The following PTPRD variants were observed in gnomAD, a reference collection of about 807,000 sequenced individuals.
PTPRD encodes the protein protein tyrosine phosphatase receptor type D, also known as receptor-type tyrosine-protein phosphatase delta.
PTPRD carries 34 observed loss-of-function variants against 214.5 expected under a neutral mutation model. The observed-to-expected ratio is 0.16, with a 90% confidence interval of 0.12 to 0.21. The LOEUF (loss-of-function observed/expected upper bound fraction) is 0.21, where lower values mean the gene tolerates loss of function less well. Among genes scored for constraint, PTPRD ranks in the 10% least tolerant of loss-of-function variants. The probability of loss-of-function intolerance (pLI) is 1.00; values close to 1 mark genes in which losing one functional copy is unlikely to be tolerated. For missense variants in PTPRD, 2,545 were observed against 2,398.7 expected, an observed-to-expected ratio of 1.06 and a Z score of -1.27; for synonymous variants, 1,128 against 845.7, an observed-to-expected ratio of 1.33 and a Z score of -5.79.
At chr9:9,452,260 T>G (rs565476969) in intron 8 of PTPRD, among the ~76,000 whole-genome samples, 2 of 151,664 alleles carry the variant, frequency 1.3e-5, no homozygotes, top group South Asian at 4.1e-4. Context: ...AATAATATTT[T>G]CAGTGTGTTG....
intron 7 of PTPRD, among the ~76,000 whole-genome samples, chr9:9,661,660 C>G (rs1414860413): frequency 6.6e-6 from 1 of 151,808 alleles, no homozygotes; most frequent in East Asian, 1.9e-4. Context: ...TTGTTTGCCA[C>G]TATTCAACTA....
chr9:9,734,658 T>A, intron 6 of PTPRD, 87 bp from the exon 7 acceptor site: 1 of 152,264 alleles, frequency 6.6e-6, no homozygotes, highest in African/African-American at 2.4e-5. Context: ...AATTCTACAA[T>A]ATTATTCTAT....
At chr9:9,099,161 C>T (rs1231223072) in intron 10 of PTPRD, among the ~76,000 whole-genome samples, 1 of 152,090 alleles carries the variant, frequency 6.6e-6, no homozygotes, top group Non-Finnish European at 1.5e-5. Context: ...GTGGTAAACA[C>T]AGAGCAGGCC....
intron 3 of PTPRD, among the ~76,000 whole-genome samples, chr9:10,092,106 C>G (rs1327561407): frequency 1.3e-5 from 2 of 151,346 alleles, no homozygotes; most frequent in African/African-American, 4.8e-5. Flanking sequence ...GAGTTCCATG[C>G]AACGAGGTAA....
chr9:9,736,371 G>C (rs2098294873), intron 6 of PTPRD, among the ~76,000 whole-genome samples: 2 of 151,890 alleles, frequency 1.3e-5, no homozygotes, highest in Non-Finnish European at 2.9e-5. Flanking sequence ...ACTGCAGTTA[G>C]TTTTCATTAC....
chr9:10,559,290 C>T (rs1247011715), intron 2 of PTPRD, among the ~76,000 whole-genome samples: 1 of 151,990 alleles, frequency 6.6e-6, no homozygotes, highest in South Asian at 2.1e-4. Context: ...CATGCACATC[C>T]AAATGTATAC....
intron 11 of PTPRD, among the ~76,000 whole-genome samples, chr9:8,871,804 TA>T (rs2098304744): frequency 6.6e-6 from 1 of 152,136 alleles, no homozygotes; most frequent in Non-Finnish European, 1.5e-5. Flanking sequence ...TAGCTTAACT[TA>T]ATTCAAAATT....
chr9:9,328,953 GT>G (rs2041233423), intron 9 of PTPRD, among the ~76,000 whole-genome samples: 1 of 151,898 alleles, frequency 6.6e-6, no homozygotes. Flanking sequence ...GATCACCTTG[GT>G]TAAAGTGATA....
intron 4 of PTPRD, among the ~76,000 whole-genome samples, chr9:9,949,708 CA>C (rs1004899887): frequency 7.3e-5 from 11 of 151,712 alleles, no homozygotes; most frequent in South Asian, 4.2e-4. Flanking sequence ...ACAACAACAA[CA>C]AAAAAAATGC....
chr9:8,577,429 A>AT (rs1167514831), intron 14 of PTPRD, among the ~76,000 whole-genome samples: 1 of 151,894 alleles, frequency 6.6e-6, no homozygotes, highest in Non-Finnish European at 1.5e-5. Flanking sequence ...AAAAAATTGT[A>AT]TTTTTAGTAC....
chr9:8,375,811 A>G, intron 39 of PTPRD, 125 bp downstream of exon 39: 1 of 1,186,526 alleles, frequency 8.4e-7, no homozygotes, highest in Non-Finnish European at 1.2e-6. Context: ...TCATTTGACC[A>G]AAAGAGAGCT....
chr9:9,607,992 C>T (rs2094286231), intron 7 of PTPRD, among the ~76,000 whole-genome samples: 2 of 152,182 alleles, frequency 1.3e-5, no homozygotes, highest in South Asian at 2.1e-4. Flanking sequence ...GGAGAGCAAT[C>T]GATGGGTTAA....
At chr9:10,525,642 T>C (rs2054014222) in intron 2 of PTPRD, among the ~76,000 whole-genome samples, 1 of 151,994 alleles carries the variant, frequency 6.6e-6, no homozygotes, top group Admixed American at 6.6e-5. Context: ...AATTAAATTA[T>C]GAATAAAAAT....
At chr9:10,135,297 A>G (rs2098933923) in intron 3 of PTPRD, among the ~76,000 whole-genome samples, 1 of 152,112 alleles carries the variant, frequency 6.6e-6, no homozygotes, top group Non-Finnish European at 1.5e-5. Context: ...CAACTTGGAA[A>G]CAGTATTTGA....
chr9:8,465,828 T>C (rs2096533914), intron 31 of PTPRD, among the ~76,000 whole-genome samples, 153 bp from the exon 32 acceptor site: 1 of 151,844 alleles, frequency 6.6e-6, no homozygotes, highest in Non-Finnish European at 1.5e-5. Context: ...AAATCTCAGT[T>C]CTCTCAATAT....
intron 12 of PTPRD, among the ~76,000 whole-genome samples, chr9:8,674,197 T>C (rs534069809): frequency 2.6e-5 from 4 of 152,262 alleles, no homozygotes; most frequent in South Asian, 4.1e-4. Flanking sequence ...GTTTGGCTCA[T>C]GCCTGTAATC....
chr9:10,233,296 C>T (rs1317014932), intron 3 of PTPRD, among the ~76,000 whole-genome samples: 3 of 151,960 alleles, frequency 2.0e-5, no homozygotes, highest in African/African-American at 7.2e-5. Flanking sequence ...TGCTTGCATG[C>T]CAACATTTCA....
At chr9:10,065,893 A>G (rs903792189) in intron 3 of PTPRD, among the ~76,000 whole-genome samples, 3 of 151,926 alleles carry the variant, frequency 2.0e-5, no homozygotes, top group Admixed American at 6.6e-5. Context: ...TTTCTTCTTT[A>G]TTAGTATTTC....
chr9:9,972,892 T>G (rs903632490), intron 4 of PTPRD, among the ~76,000 whole-genome samples: 1 of 152,114 alleles, frequency 6.6e-6, no homozygotes, highest in African/African-American at 2.4e-5. Context: ...TACTTTCCCA[T>G]TGTAAGATCC....
Sources: gnomAD v4.1 joint callset for allele counts (sites outside exome capture counted in the v4.1 genomes callset) on GRCh38, gnomAD v4.1.1 for gene constraint, MANE v1.5 for transcripts, NCBI Gene and HGNC (gene_info 2026-07-23, HGNC 2026-07-21) for gene names.